PRPF18: variants seen among roughly 807,000 people sequenced by gnomAD.
PRPF18 encodes pre-mRNA-splicing factor 18.
A neutral mutation model predicts 46.5 loss-of-function variants in PRPF18; 38 were observed. That is an observed-to-expected ratio of 0.82 (90% CI 0.63 to 1.07). PRPF18 has a LOEUF of 1.07. Among genes scored for constraint, PRPF18 ranks in the 50% least tolerant of loss-of-function variants. The pLI is 0.00. For synonymous variants in PRPF18, 152 were observed against 146.7 expected, an observed-to-expected ratio of 1.04 and a Z score of -0.26; for missense variants, 263 against 410.0, an observed-to-expected ratio of 0.64 and a Z score of 3.10.
chr10:13,638,907 T>A, the PRPF18 span: 1 of 152,158 alleles, frequency 6.6e-6, no homozygotes, highest in African/African-American at 2.4e-5. Flanking sequence ...CCTCATGTTA[T>A]ATGAGAACAG....
rs1379661452 is a variant in PRPF18 at position 13,614,089 on chromosome 10, A to G, written c.792+3A>G. The G allele has an allele frequency of 1.3e-6, 2 of 1,565,220 alleles. No homozygotes were observed. Among genetic ancestry groups the G allele is most frequent in the East Asian group, 2.3e-5 (1 of 44,388 alleles). Reference sequence around the variant, plus strand: ...TGTTGCAGAGAGAATACGTGAAGGTACATTCCCATGCTGTTCTTTGAAATT... The same window carrying G: ...TGTTGCAGAGAGAATACGTGAAGGTGCATTCCCATGCTGTTCTTTGAAATT... On this transcript the variant is annotated splice_donor_region_variant and intron_variant, in intron 8 of 9. Coordinates refer to ENST00000378572, the MANE Select transcript of PRPF18 (RefSeq NM_003675.4).
intron 4 of PRPF18, among the ~76,000 whole-genome samples, chr10:13,607,143 A>G (rs1311514655): frequency 1.3e-5 from 2 of 152,160 alleles, no homozygotes; most frequent in Admixed American, 1.3e-4. Context: ...CTACGCTGGA[A>G]TGCGGTGGCA....
intron 9 of PRPF18, among the ~76,000 whole-genome samples, chr10:13,622,730 C>G (rs1420185065): frequency 6.6e-6 from 1 of 152,214 alleles, no homozygotes; most frequent in East Asian, 1.9e-4. Flanking sequence ...TTGATAAGTC[C>G]TCCAGATACT....
chr10:13,634,154 G>A (rs1180549634), downstream of PRPF18, among the ~76,000 whole-genome samples: 15 of 152,128 alleles, frequency 9.9e-5, no homozygotes, highest in South Asian at 2.1e-4. Flanking sequence ...GTATTTTTAC[G>A]TTGATCAGAA....
intron 9 of PRPF18, among the ~76,000 whole-genome samples, chr10:13,619,163 T>C (rs2080389076): frequency 1.3e-5 from 2 of 152,346 alleles, no homozygotes. Context: ...TCTGCTCACC[T>C]CTGCTGTGTG....
chr10:13,594,546 C>T (rs567367137), intron 1 of PRPF18, among the ~76,000 whole-genome samples: 4 of 152,132 alleles, frequency 2.6e-5, no homozygotes, highest in Non-Finnish European at 1.5e-5. Context: ...ATCTTTTTAC[C>T]TAGATGTGAT....
the PRPF18 span, chr10:13,649,349 T>TAA: frequency 7.8e-6 from 1 of 127,612 alleles, no homozygotes; most frequent in African/African-American, 2.7e-5. Flanking sequence ...GTGAAGAGCC[T>TAA]AACTGTTGGC....
At chr10:13,597,930 A>G (rs2080058518) in intron 2 of PRPF18, among the ~76,000 whole-genome samples, 1 of 152,086 alleles carries the variant, frequency 6.6e-6, no homozygotes, top group Admixed American at 6.5e-5. Flanking sequence ...TCATCCAGCC[A>G]CAGTAATATT....
At chr10:13,614,904 T>G (rs11258473) in intron 8 of PRPF18, among the ~76,000 whole-genome samples, 9,350 of 152,238 alleles carry the variant, frequency 0.061, 869 homozygotes, top group African/African-American at 0.2. Flanking sequence ...CCAGTGCCAG[T>G]GCCAGAGCGG....
intron 3 of PRPF18, among the ~76,000 whole-genome samples, chr10:13,601,222 C>T (rs1320435014): frequency 6.6e-6 from 1 of 152,086 alleles, no homozygotes; most frequent in East Asian, 1.9e-4. Context: ...TTTCTAGAAG[C>T]ATGATTTTTA....
intron 1 of PRPF18, among the ~76,000 whole-genome samples, chr10:13,588,368 C>T (rs1302832871): frequency 6.6e-6 from 1 of 151,176 alleles, no homozygotes; most frequent in Non-Finnish European, 1.5e-5. Flanking sequence ...CATCGCACCA[C>T]TGCACTCCTG....
At chr10:13,622,524 A>G (rs528119491) in intron 9 of PRPF18, among the ~76,000 whole-genome samples, 54 of 152,304 alleles carry the variant, frequency 3.5e-4, no homozygotes, top group African/African-American at 1.2e-3. Flanking sequence ...CATTTGGGGT[A>G]CCTTTTTACT....
chr10:13,630,110 A>C, intron 9 of PRPF18, 150 bp from the exon 10 acceptor site: 1 of 612,638 alleles, frequency 1.6e-6, no homozygotes, highest in Non-Finnish European at 2.9e-6. Flanking sequence ...GTGCACAAGA[A>C]AAATTTCTCT....
chr10:13,587,495 C>G (rs963021434), intron 1 of PRPF18, among the ~76,000 whole-genome samples: 4 of 152,262 alleles, frequency 2.6e-5, no homozygotes, highest in African/African-American at 7.2e-5. Flanking sequence ...TTCCCACCAC[C>G]GAGTAGCAAA....
downstream of PRPF18, among the ~76,000 whole-genome samples, chr10:13,635,385 A>T (rs1282759785): frequency 6.6e-6 from 1 of 152,126 alleles, no homozygotes; most frequent in East Asian, 1.9e-4. Context: ...TAATAGAATG[A>T]TTTATATTCC....
chr10:13,599,607 AATG>A (rs560262546), intron 2 of PRPF18, among the ~76,000 whole-genome samples: 32 of 152,338 alleles, frequency 2.1e-4, no homozygotes, highest in South Asian at 1.7e-3. Context: ...TATGAACAAG[AATG>A]CCCACTGTTT....
intron 8 of PRPF18, among the ~76,000 whole-genome samples, chr10:13,614,679 A>T (rs2080316185): frequency 6.6e-6 from 1 of 152,086 alleles, no homozygotes; most frequent in African/African-American, 2.4e-5. Flanking sequence ...GGGCTCTGGG[A>T]GGCAGCGGTG....
intron 9 of PRPF18, among the ~76,000 whole-genome samples, chr10:13,627,336 T>A (rs895302882): frequency 6.6e-6 from 1 of 152,212 alleles, no homozygotes; most frequent in African/African-American, 2.4e-5. Context: ...GCTACTGTAT[T>A]TCCAGAGCCT....
the PRPF18 span, among the ~76,000 whole-genome samples, chr10:13,648,419 T>C: frequency 6.6e-6 from 1 of 152,128 alleles, no homozygotes; most frequent in African/African-American, 2.4e-5. Flanking sequence ...ATGTTTTTCT[T>C]AGGGGGACAG....
Sources: gnomAD v4.1 joint callset for allele counts (sites outside exome capture counted in the v4.1 genomes callset) on GRCh38, gnomAD v4.1.1 for gene constraint, MANE v1.5 for transcripts, NCBI Gene and HGNC (gene_info 2026-07-23, HGNC 2026-07-21) for gene names.